The following MBP variants were observed in gnomAD, a reference collection of about 807,000 sequenced individuals.
The protein encoded by MBP is Golli-MBP.
In MBP, 16 loss-of-function variants were observed where a neutral mutation model predicts 35.8. That is an observed-to-expected ratio of 0.45 (90% CI 0.30 to 0.68). The LOEUF is 0.68. Among genes scored for constraint, MBP ranks in the 30% least tolerant of loss-of-function variants. The probability of loss-of-function intolerance (pLI) is 0.08; values close to 1 mark genes in which losing one functional copy is unlikely to be tolerated. For synonymous variants in MBP, 143 were observed against 159.6 expected, an observed-to-expected ratio of 0.90 and a Z score of 0.78; for missense variants, 380 against 404.7, an observed-to-expected ratio of 0.94 and a Z score of 0.52.
At chr18:77,005,189 T>C (rs973418090) in intron 4 of MBP, 4 of 152,338 alleles carry the variant, frequency 2.6e-5, no homozygotes, top group Admixed American at 6.5e-5. Context: ...TCCTGGTGAG[T>C]GTGCCGAAGA....
intron 4 of MBP, chr18:77,016,227 A>AGAGTC: frequency 2.0e-6 from 2 of 985,236 alleles, no homozygotes; most frequent in Non-Finnish European, 2.4e-6. Context: ...CTGTATGCAA[A>AGAGTC]TTAATGGAAT....
intron 3 of MBP, among the ~76,000 whole-genome samples, chr18:77,047,417 A>T (rs1452787112): frequency 6.6e-6 from 1 of 152,262 alleles, no homozygotes; most frequent in African/African-American, 2.4e-5. Flanking sequence ...AGAATCCAGG[A>T]CACGCAAATC....
intron 3 of MBP, among the ~76,000 whole-genome samples, chr18:77,033,878 C>T (rs1361243796): frequency 6.6e-6 from 1 of 151,912 alleles, no homozygotes; most frequent in East Asian, 1.9e-4. Context: ...ATCCATCCAT[C>T]CACACATCCA....
intron 8 of MBP, 174 bp from the exon 9 acceptor site, chr18:76,980,645 T>A: frequency 1.7e-6 from 1 of 599,444 alleles, no homozygotes; most frequent in Non-Finnish European, 3.0e-6. Flanking sequence ...CCGACCTCCC[T>A]CAGCAAATGC....
rs561812263 is a variant in MBP, at chr18:77,020,671, C to T, written c.140-3403G>A. Among the ~76,000 whole-genome samples the T allele has an allele frequency of 7.0e-4, 107 of 152,326 alleles. No homozygotes were observed. Among genetic ancestry groups the T allele is most frequent in the Admixed American group, 6.4e-3 (98 of 15,308 alleles). On this transcript the variant is annotated intron_variant, in intron 3 of 8. Coordinates refer to ENST00000355994, the MANE Select transcript of MBP (RefSeq NM_001025101.2). This position sits in a 1 kb window ranked among gnomAD's most constrained non-coding sequence, Gnocchi z 4.1. Reference sequence around the variant, plus strand: ...TCGGGGCTGGTCTCATAGGCTGCCTCGCTTGGTGCCACCAAGATTCCAGCC... The same window carrying T: ...TCGGGGCTGGTCTCATAGGCTGCCTTGCTTGGTGCCACCAAGATTCCAGCC...
chr18:77,079,003 C>G lies in MBP; in HGVS notation c.52-12618G>C, dbSNP rs1203881177. ...AGTCAGGCGCTCAGCCATCACTGAGCCCAGCAGGAGAGGAGACTTGAAAGC... is the reference window on the plus strand; with the variant it reads ...AGTCAGGCGCTCAGCCATCACTGAGGCCAGCAGGAGAGGAGACTTGAAAGC... On this transcript the variant is annotated intron_variant, in intron 2 of 8. Coordinates refer to ENST00000355994, the MANE Select transcript of MBP (RefSeq NM_001025101.2). 2.6e-5 allele frequency among the ~76,000 whole-genome samples: 4 copies of G among 152,314 alleles called. No individual in the cohort carries two copies. In the East Asian group the frequency reaches 7.7e-4, roughly 29 times the overall value.
In MBP at chr18:77,123,331, C is replaced by A. The variant is rs117923100; in HGVS notation, c.-26+9249G>T. Among the ~76,000 whole-genome samples, 308 of 152,260 alleles carry A rather than the reference C, an allele frequency of 2.0e-3. 8 individuals are homozygous for A. The East Asian group carries it at 0.051, about 25-fold the overall frequency. On this transcript the variant is annotated intron_variant, in intron 1 of 8. Coordinates refer to ENST00000355994, the MANE Select transcript of MBP (RefSeq NM_001025101.2). Reference sequence around the variant, plus strand: ...TATTCTCTAAATATGGAAAAAGCATCAAAAATACATGATGCAAATAAAAAT... The same window carrying A: ...TATTCTCTAAATATGGAAAAAGCATAAAAAATACATGATGCAAATAAAAAT...
intron 1 of MBP, among the ~76,000 whole-genome samples, chr18:77,112,411 C>T (rs1335015439): frequency 6.6e-6 from 1 of 152,220 alleles, no homozygotes; most frequent in Non-Finnish European, 1.5e-5. Flanking sequence ...ATGAGGAGAA[C>T]GCCACTGACG....
At chr18:77,026,162 G>C (rs544070710) in intron 3 of MBP, among the ~76,000 whole-genome samples, 2 of 152,236 alleles carry the variant, frequency 1.3e-5, no homozygotes, top group Non-Finnish European at 2.9e-5. Flanking sequence ...TTTCAGGGAC[G>C]GTGCCTGCAG....
chr18:77,093,230 G>GAGAGGCTCATA, intron 2 of MBP: 1 of 152,418 alleles, frequency 6.6e-6, no homozygotes, highest in East Asian at 1.9e-4. Flanking sequence ...TCCGGTTGGA[G>GAGAGGCTCATA]AGAGGCTCAT....
At chr18:77,029,316 C>G (rs1047425042) in intron 3 of MBP, among the ~76,000 whole-genome samples, 21 of 149,746 alleles carry the variant, frequency 1.4e-4, no homozygotes, top group Non-Finnish European at 2.4e-4. Context: ...CAGGCTGAGG[C>G]AGGAGAATCA....
In MBP at chr18:76,980,078, G is replaced by A; in HGVS notation, c.*349C>T. The A allele has an allele frequency of 1.4e-6, 1 of 698,634 alleles. No individual in the cohort carries two copies. The highest frequency in any genetic ancestry group is 2.6e-6 in the Non-Finnish European group (1 of 384,036). 43.3% of individuals were successfully genotyped at this position (698,634 alleles called of 1,614,324 possible). On this transcript the variant is annotated 3_prime_UTR_variant, in exon 9 of 9. Transcript: ENST00000355994. ...CCAGCAAAAGCGCAAGGGTGCCGCA[G>A]CCACGGCGAAAAGAAAGTCCAAGGG...
chr18:77,050,379 G>T (rs887051676), intron 3 of MBP, among the ~76,000 whole-genome samples: 1 of 152,128 alleles, frequency 6.6e-6, no homozygotes, highest in African/African-American at 2.4e-5. Flanking sequence ...ACACAAAACA[G>T]CTTGCTATTT....
chr18:77,100,843 G>A (rs1261469998), intron 2 of MBP, among the ~76,000 whole-genome samples: 1 of 151,964 alleles, frequency 6.6e-6, no homozygotes, highest in African/African-American at 2.4e-5. Context: ...GTGGGCCACC[G>A]CACCTGGCCT....
chr18:77,098,462 T>TGGG (rs1315409718), intron 2 of MBP, among the ~76,000 whole-genome samples: 1 of 152,134 alleles, frequency 6.6e-6, no homozygotes, highest in Non-Finnish European at 1.5e-5. Flanking sequence ...TATGTGTGTG[T>TGGG]GGGGATGGAT....
At chr18:77,051,020 A>C (rs1342741723) in intron 3 of MBP, among the ~76,000 whole-genome samples, 1 of 152,232 alleles carries the variant, frequency 6.6e-6, no homozygotes, top group African/African-American at 2.4e-5. Context: ...AGGAAAAAGA[A>C]ATGGAACATG....
chr18:77,090,999 CAG>C (rs1975498025), intron 2 of MBP, among the ~76,000 whole-genome samples: 1 of 152,234 alleles, frequency 6.6e-6, no homozygotes, highest in Admixed American at 6.5e-5. Flanking sequence ...TGTGAGAGGG[CAG>C]AGAGTGAGCC....
intron 7 of MBP, 93 bp from the exon 8 acceptor site, chr18:76,984,987 G>A (rs1435777449): frequency 1.3e-6 from 2 of 1,571,174 alleles, no homozygotes; most frequent in Non-Finnish European, 8.6e-7. Context: ...CCCGGGGAAG[G>A]GCCCAGGCCC....
At chr18:77,029,284 G>A (rs1359313949) in intron 3 of MBP, among the ~76,000 whole-genome samples, 17 of 149,638 alleles carry the variant, frequency 1.1e-4, no homozygotes, top group African/African-American at 2.2e-4. Flanking sequence ...GGCGGCGCGC[G>A]CCTGCAATCG....
Sources: allele counts gnomAD v4.1 joint callset (sites outside exome capture counted in the v4.1 genomes callset), GRCh38; gene constraint gnomAD v4.1.1; non-coding constraint Gnocchi (gnomAD v3.1); transcripts MANE v1.5; gene names NCBI Gene and HGNC (gene_info 2026-07-23, HGNC 2026-07-21).